The following CCDC157 variants were observed in gnomAD, a reference collection of about 807,000 sequenced individuals.
The protein encoded by CCDC157 is coiled-coil domain-containing protein 157.
In CCDC157, 60 loss-of-function variants were observed where a neutral mutation model predicts 70.9. The ratio of observed to expected loss-of-function variants is 0.85; its 90% CI spans 0.69 to 1.05. The LOEUF (loss-of-function observed/expected upper bound fraction) is 1.05. CCDC157 is among the 50% of genes least tolerant of loss of function. The pLI is 0.00. For synonymous variants in CCDC157, 373 were observed against 422.4 expected (o/e 0.88, Z 1.43); for missense variants, 943 against 984.2 (o/e 0.96, Z 0.56).
At chr22:30,356,690 C>T, upstream of CCDC157, 1 of 1,431,672 alleles carries the variant, frequency 7.0e-7, no homozygotes, top group Non-Finnish European at 9.3e-7. Flanking sequence ...GCGCCCAGGC[C>T]AACCCTCCGG....
At chr22:30,371,762 C>G (rs1379687697) in intron 6 of CCDC157, 35 bp downstream of exon 6, 1 of 1,546,296 alleles carries the variant, frequency 6.5e-7, no homozygotes, top group Non-Finnish European at 8.9e-7. Context: ...CATGCCACAT[C>G]TCAAGCCAGG....
rs759762443 is a variant in CCDC157 at position 30,375,577 on chromosome 22, C to G, written c.1771C>G (p.Arg591Gly). ...MERQVQSNDIRIRVLQEENGR... is the reference protein window; with the variant it reads ...MERQVQSNDIGIRVLQEENGR... ...GAGGCAAGTGCAGTCCAACGACATC[C>G]GCATCCGGGTCCTACAGGAGGAGAA... is the stretch of plus-strand genomic sequence containing the variant. Residue 591 changes from arginine to glycine, a missense_variant, in exon 10 of 12, where the codon CGC becomes GGC. Coordinates refer to ENST00000338306, the MANE Select transcript of CCDC157 (RefSeq NM_001017437.5). 1 of 1,614,080 alleles carries G rather than the reference C, an allele frequency of 6.2e-7. No individual in the cohort carries two copies. The highest frequency in any genetic ancestry group is 1.7e-5 in the Admixed American group (1 of 60,010).
At chr22:30,371,154 C>T in intron 5 of CCDC157, 1 of 651,440 alleles carries the variant, frequency 1.5e-6, no homozygotes, top group Non-Finnish European at 2.6e-6. Context: ...CCCACTGGGG[C>T]CACCAGGAGC....
At position 30,370,542 on chromosome 22, in the gene CCDC157, A is replaced by G. The variant is rs1262467204; in HGVS notation, c.637A>G (p.Thr213Ala). 1 of 1,614,028 alleles carries G rather than the reference A, an allele frequency of 6.2e-7. No individual in the cohort carries two copies. Among genetic ancestry groups the G allele is most frequent in the South Asian group, 1.1e-5 (1 of 91,082 alleles). The change falls in exon 5 of 12, where the codon ACC becomes GCC. Residue 213 changes from threonine to alanine, a missense_variant. Physicochemically the swap from Thr to Ala is moderately conservative, Grantham distance 58. Transcript: ENST00000338306. ...GAACACCAGGAGTGTCCACTCCCAG[A>G]CCATTGAGACGGCCCTGGTGCCCTG... Reference protein sequence around the residue: ...FKNTRSVHSQTIETALVPCDA... With the variant: ...FKNTRSVHSQAIETALVPCDA...
At chr22:30,361,001 C>T (rs939141995) in intron 1 of CCDC157, among the ~76,000 whole-genome samples, 2 of 151,786 alleles carry the variant, frequency 1.3e-5, no homozygotes, top group East Asian at 1.9e-4. Context: ...GAGCCAAGAT[C>T]GCACCACTGC....
chr22:30,370,245 C>T (rs746739479), intron 4 of CCDC157, 81 bp from the exon 5 acceptor site: 107 of 1,496,722 alleles, frequency 7.1e-5, no homozygotes, highest in Non-Finnish European at 9.3e-5. Context: ...CACACTGTCA[C>T]AGAACATCCC....
rs370242340 is a variant in CCDC157 at position 30,366,292 on chromosome 22, C to T, written c.248+44C>T. 3.7e-6 allele frequency: 6 copies of T among 1,606,718 alleles called. No homozygotes were observed. The African/African-American group carries it at 4.0e-5, about 11-fold the overall frequency. On this transcript the variant is annotated intron_variant, in intron 3 of 11. Coordinates refer to ENST00000338306, the MANE Select transcript of CCDC157 (RefSeq NM_001017437.5). ...CCTGGTCATCTCAGGATGCCAGCAC[C>T]TGCCCCTGAAACCAGTGGCAGCTAC...
chr22:30,359,047 C>G (rs1756843155), intron 1 of CCDC157, among the ~76,000 whole-genome samples: 1 of 152,126 alleles, frequency 6.6e-6, no homozygotes, highest in African/African-American at 2.4e-5. Flanking sequence ...CCAGGATGGC[C>G]CCATGTGGCA....
chr22:30,376,025 A>AC (rs34768329), intron 10 of CCDC157: 15 of 195,952 alleles, frequency 7.7e-5, no homozygotes, highest in Admixed American at 4.8e-4. Flanking sequence ...CCGTTTCTAC[A>AC]AAAAAAAAAA....
At chr22:30,364,175 A>G (rs1159044883) in intron 2 of CCDC157, among the ~76,000 whole-genome samples, 2 of 152,094 alleles carry the variant, frequency 1.3e-5, no homozygotes, top group Non-Finnish European at 2.9e-5. Flanking sequence ...TACCCCCCCA[A>G]AATAATAAAT....
At chr22:30,370,277 T>A (rs374330883) in intron 4 of CCDC157, 49 bp from the exon 5 acceptor site, 24 of 1,593,692 alleles carry the variant, frequency 1.5e-5, no homozygotes, top group African/African-American at 6.7e-5. Context: ...GTCACCTCCC[T>A]CTCTACTCTC....
At chr22:30,365,816 C>A in intron 2 of CCDC157, 174 bp from the exon 3 acceptor site, 1 of 638,134 alleles carries the variant, frequency 1.6e-6, no homozygotes, top group Non-Finnish European at 2.7e-6. Context: ...GGTAAGGCCA[C>A]CCAGAACCGG....
chr22:30,356,747 G>A (rs745750777), upstream of CCDC157: 7 of 1,492,120 alleles, frequency 4.7e-6, no homozygotes, highest in Admixed American at 1.3e-4. Flanking sequence ...GGCTCCGTGG[G>A]CACGGGCGGC....
chr22:30,373,633 C>A lies in CCDC157; in HGVS notation c.1372C>A (p.Leu458Met). The A allele has an allele frequency of 6.4e-7, 1 of 1,557,586 alleles. No individual in the cohort carries two copies. Among genetic ancestry groups the A allele is most frequent in the South Asian group, 1.2e-5 (1 of 84,780 alleles). ...CAAGCAGCGAGCCCTGCTAAAGCAG[C>A]TGGACAGCCTGGACCAGGAACGTGA... ...QAKQRALLKQ[L>M]DSLDQEREEL... Residue 458 changes from leucine (L) to methionine (M), a missense_variant, in exon 8 of 12, where the codon CTG (leucine) becomes ATG (methionine). Transcript: ENST00000338306.
intron 4 of CCDC157, 31 bp downstream of exon 4, chr22:30,369,634 A>T (rs1393486793): frequency 6.9e-7 from 1 of 1,453,126 alleles, no homozygotes; most frequent in East Asian, 2.6e-5. Context: ...CAGGTGGGTC[A>T]GCCTCAGCCT....
chr22:30,357,745 G>A (rs1429553976), intron 1 of CCDC157, among the ~76,000 whole-genome samples: 1 of 149,938 alleles, frequency 6.7e-6, no homozygotes, highest in Non-Finnish European at 1.5e-5. Context: ...TGGAACTCCT[G>A]ACCTCAAATG....
chr22:30,360,191 G>T (rs1306824876), intron 1 of CCDC157, among the ~76,000 whole-genome samples: 1 of 151,926 alleles, frequency 6.6e-6, no homozygotes, highest in African/African-American at 2.4e-5. Flanking sequence ...ATTAACAAGA[G>T]AAAAGCATAC....
intron 2 of CCDC157, among the ~76,000 whole-genome samples, chr22:30,364,385 G>T (rs1297048579): frequency 6.6e-6 from 1 of 152,048 alleles, no homozygotes; most frequent in East Asian, 1.9e-4. Context: ...AATTTAAGGT[G>T]ATGGATATTC....
intron 1 of CCDC157, among the ~76,000 whole-genome samples, chr22:30,357,916 G>A (rs769768081): frequency 6.6e-6 from 1 of 151,982 alleles, no homozygotes; most frequent in Non-Finnish European, 1.5e-5. Flanking sequence ...CTCCCGCCTT[G>A]GCCTCCCAAA....
Sources: gnomAD v4.1 joint callset for allele counts (sites outside exome capture counted in the v4.1 genomes callset) on GRCh38, gnomAD v4.1.1 for gene constraint, MANE v1.5 for transcripts, NCBI Gene and HGNC (gene_info 2026-07-23, HGNC 2026-07-21) for gene names.